The following KATNAL2 variants were observed in gnomAD, a reference collection of about 807,000 sequenced individuals.
The protein encoded by KATNAL2 is katanin catalytic subunit A1 like 2, also known as katanin p60 ATPase-containing subunit A-like 2.
In KATNAL2, 52 loss-of-function variants were observed where a neutral mutation model predicts 76.3. The observed-to-expected ratio is 0.68, with a 90% CI of 0.55 to 0.86. KATNAL2 has a LOEUF of 0.86. KATNAL2 is among the 40% of genes least tolerant of loss of function. KATNAL2 has a pLI of 0.00. For missense variants in KATNAL2, 660 were observed against 668.9 expected, an observed-to-expected ratio of 0.99 and a Z score of 0.15; for synonymous variants, 243 against 244.2, an observed-to-expected ratio of 1.00 and a Z score of 0.05.
rs137977583 is a variant in KATNAL2 at position 47,059,528 on chromosome 18, C to T, written c.451-28C>T. 4.4e-4 allele frequency: 660 copies of T among 1,504,154 alleles called. 1 individual carries two copies. In the African/African-American group the frequency reaches 7.3e-3, roughly 17 times the overall value. The allele number at this position is 1,504,154 out of a possible 1,614,324, so 93.2% of individuals were successfully genotyped here. ...GCAACTCTCCATGGCTGCTCACAGCCGATGTGTCCTTGTCTCTCTTTCTTC... is the reference window on the plus strand; with the variant it reads ...GCAACTCTCCATGGCTGCTCACAGCTGATGTGTCCTTGTCTCTCTTTCTTC... On this transcript the variant is annotated intron_variant, in intron 7 of 17. Coordinates refer to ENST00000683218, the MANE Select transcript of KATNAL2 (RefSeq NM_001387690.1).
chr18:46,929,751 GAGA>G (rs2058847892), intron 1 of KATNAL2, among the ~76,000 whole-genome samples: 2 of 152,170 alleles, frequency 1.3e-5, no homozygotes, highest in East Asian at 3.9e-4. Context: ...CTGGAACATA[GAGA>G]AGAAGTATGT....
intron 3 of KATNAL2, among the ~76,000 whole-genome samples, chr18:46,948,426 CTT>C (rs11400104): frequency 1.8e-4 from 25 of 136,214 alleles, no homozygotes; most frequent in Admixed American, 2.2e-4. Context: ...TCTTCTTCTT[CTT>C]TTTTTTTTTT....
At chr18:46,958,895 T>C (rs1053634444) in intron 3 of KATNAL2, among the ~76,000 whole-genome samples, 2 of 152,240 alleles carry the variant, frequency 1.3e-5, no homozygotes, top group African/African-American at 2.4e-5. Flanking sequence ...AAGTCATGTT[T>C]GTTTATTCTC....
intron 1 of KATNAL2, among the ~76,000 whole-genome samples, chr18:46,931,925 T>C (rs1568984064): frequency 6.6e-6 from 1 of 151,806 alleles, no homozygotes; most frequent in Non-Finnish European, 1.5e-5. Flanking sequence ...CTTTTCTTTT[T>C]TTTTTTGAGA....
Position 47,072,774 on chromosome 18 carries a change from T to C in KATNAL2, c.1009-2503T>C, listed in dbSNP as rs1201157392. ...TTTCTAAATACAAGTAGGAACATACTATGTGTTCCCTTTTGTACCTGGCTT... is the reference window on the plus strand; with the variant it reads ...TTTCTAAATACAAGTAGGAACATACCATGTGTTCCCTTTTGTACCTGGCTT... On this transcript the variant is annotated intron_variant, in intron 13 of 17. Coordinates refer to ENST00000683218, the MANE Select transcript of KATNAL2 (RefSeq NM_001387690.1). Among the ~76,000 whole-genome samples the C allele has an allele frequency of 2.0e-5, 3 of 152,240 alleles. No individual in the cohort carries two copies. In the East Asian group the frequency reaches 5.8e-4, roughly 29 times the overall value.
chr18:47,075,740 T>C (rs772633976), intron 14 of KATNAL2, among the ~76,000 whole-genome samples: 2 of 152,188 alleles, frequency 1.3e-5, no homozygotes, highest in Non-Finnish European at 2.9e-5. Flanking sequence ...GAATGAGTCT[T>C]GCCCACTCAG....
intron 15 of KATNAL2, among the ~76,000 whole-genome samples, chr18:47,095,338 T>C (rs2063184265): frequency 6.6e-6 from 1 of 152,106 alleles, no homozygotes; most frequent in Non-Finnish European, 1.5e-5. Flanking sequence ...ATCCTCATAA[T>C]CCCCACCTGT....
At chr18:46,953,054 C>A (rs963925681) in intron 3 of KATNAL2, among the ~76,000 whole-genome samples, 1 of 151,932 alleles carries the variant, frequency 6.6e-6, no homozygotes, top group African/African-American at 2.4e-5. Context: ...GCCACCATGC[C>A]TGGCTAATTT....
At chr18:47,059,322 G>A (rs1209372261) in intron 7 of KATNAL2, among the ~76,000 whole-genome samples, 1 of 152,244 alleles carries the variant, frequency 6.6e-6, no homozygotes. Context: ...GCTGCTTGGG[G>A]CCCATGGGGC....
At chr18:47,035,109 C>T (rs571433863) in intron 3 of KATNAL2, 6 of 1,611,198 alleles carry the variant, frequency 3.7e-6, no homozygotes, top group East Asian at 2.2e-5. Context: ...GGCGCTTCAC[C>T]GTCTTTCTGA....
At chr18:46,927,279 C>T (rs143058837) in intron 1 of KATNAL2, among the ~76,000 whole-genome samples, 4 of 151,950 alleles carry the variant, frequency 2.6e-5, no homozygotes, top group South Asian at 2.1e-4. Flanking sequence ...GGGCAGGCCT[C>T]GTGGTGACAA....
At chr18:47,051,045 G>T (rs2061326237) in intron 4 of KATNAL2, among the ~76,000 whole-genome samples, 1 of 152,114 alleles carries the variant, frequency 6.6e-6, no homozygotes. Context: ...TCGGGCTTGG[G>T]TAATTTTAGT....
At chr18:47,068,728 T>C (rs967400911) in intron 11 of KATNAL2, among the ~76,000 whole-genome samples, 10 of 152,252 alleles carry the variant, frequency 6.6e-5, no homozygotes, top group African/African-American at 2.4e-4. Context: ...TCAGCGTTGG[T>C]GTCTCTTAAT....
intron 3 of KATNAL2, among the ~76,000 whole-genome samples, chr18:46,955,800 A>G (rs1226791175): frequency 6.6e-6 from 1 of 151,798 alleles, no homozygotes; most frequent in African/African-American, 2.4e-5. Flanking sequence ...CAATCCTCCC[A>G]CTTCAGCCTT....
chr18:47,100,886 A>G lies in KATNAL2; in HGVS notation c.1498A>G (p.Ile500Val). The change falls in exon 18 of 18, where the codon ATC becomes GTC. Residue 500 changes from isoleucine (I) to valine (V), a missense_variant. Ile to Val is a conservative substitution (Grantham distance 29, BLOSUM62 3). Coordinates refer to ENST00000683218, the MANE Select transcript of KATNAL2 (RefSeq NM_001387690.1). ...CCTAGAAAGCAGCGACTTACCCAGG[A>G]TCCAGTTGGATATAGTAACCACTGC... Reference protein sequence around the residue: ...HQSESSDLPRIQLDIVTTADF... With the variant: ...HQSESSDLPRVQLDIVTTADF... 6.2e-7 allele frequency: 1 copy of G among 1,614,170 alleles called. No individual in the cohort carries two copies. The highest frequency in any genetic ancestry group is 1.3e-5 in the African/African-American group (1 of 75,048).
At chr18:47,095,205 G>C in intron 15 of KATNAL2, among the ~76,000 whole-genome samples, 1 of 152,172 alleles carries the variant, frequency 6.6e-6, no homozygotes, top group Non-Finnish European at 1.5e-5. Context: ...TTAGTAGGAG[G>C]AAGCAGAGGT....
chr18:47,042,712 A>G (rs2147029374), intron 3 of KATNAL2, among the ~76,000 whole-genome samples: 1 of 152,340 alleles, frequency 6.6e-6, no homozygotes, highest in Non-Finnish European at 1.5e-5. Context: ...CACTGTGGGA[A>G]AAAAAGTCTT....
rs760420226 is a variant in KATNAL2 at position 47,069,207 on chromosome 18, C to T, written c.826-13C>T. On this transcript the variant is annotated splice_polypyrimidine_tract_variant and intron_variant, in intron 11 of 17. Transcript: ENST00000683218. ...TTGGTACCAAACCTCATCCTTGTTCCTTGTTTCCTTAGTATCCACAGCTAT... is the reference window on the plus strand; with the variant it reads ...TTGGTACCAAACCTCATCCTTGTTCTTTGTTTCCTTAGTATCCACAGCTAT... 1.2e-6 allele frequency: 2 copies of T among 1,602,492 alleles called. No homozygotes were observed. The highest frequency in any genetic ancestry group is 3.4e-5 in the Admixed American group (2 of 59,238).
intron 3 of KATNAL2, among the ~76,000 whole-genome samples, chr18:46,952,662 G>A (rs2059599426): frequency 2.0e-5 from 3 of 152,050 alleles, no homozygotes; most frequent in Non-Finnish European, 4.4e-5. Context: ...GCCTTCTGAA[G>A]TGTTGGGATT....
Sources: allele counts gnomAD v4.1 joint callset (sites outside exome capture counted in the v4.1 genomes callset), GRCh38; gene constraint gnomAD v4.1.1; transcripts MANE v1.5; gene names NCBI Gene and HGNC (gene_info 2026-07-23, HGNC 2026-07-21).